Variants in SF1 observed in about 807,000 individuals in gnomAD.
SF1 encodes the protein splicing factor 1, also known as branch point-binding protein.
Under a neutral mutation model 62.5 loss-of-function variants are expected in SF1, and 7 were observed. That is an observed-to-expected ratio of 0.11 (90% CI 0.06 to 0.21). The LOEUF (loss-of-function observed/expected upper bound fraction) is 0.21, where lower values mean the gene tolerates loss of function less well. SF1 is among the 10% of genes least tolerant of loss of function. SF1 has a pLI of 1.00. For synonymous variants in SF1, 394 were observed against 323.6 expected (o/e 1.22, Z -2.33); for missense variants, 578 against 884.0 (o/e 0.65, Z 4.39).
In SF1 at chr11:64,766,955, T is replaced by G. The variant is rs1592449648; in HGVS notation, c.1527A>C (p.Pro509=). 7.6e-7 allele frequency: 1 copy of G among 1,308,094 alleles called. No individual in the cohort carries two copies. The highest frequency in any genetic ancestry group is 9.9e-7 in the Non-Finnish European group (1 of 1,010,856). The allele number at this position is 1,308,094 out of a possible 1,614,324, so 81.0% of individuals were successfully genotyped here. A position where few individuals can be genotyped will look rare whatever the true frequency, so the allele number is the denominator to read the frequency against. The change falls in exon 12 of 13, where the codon CCA becomes CCC. Residue 509 remains proline, a synonymous_variant. Transcript: ENST00000377390. The part of the protein sequence containing the change: ...PWQQQQQQPP[P]PPPPSSSMAS... ...CCATACTGCTGCTGGGCGGAGGGGG[T>G]GGCGGAGGCTGCTGCTGCTGTTGTT...
At position 64,767,002 on chromosome 11, in the gene SF1, AGGGAGGGGGTGGGGGCTGCCCACT is replaced by A. The variant is rs2058722459; in HGVS notation, c.1456_1479del (p.Gln488_Gly495del). ...TGTTGCCATGGGGGAAGAGGACCAG[AGGGAGGGGGTGGGGGCTGCCCACT>A]GGGAGGCGGCGGCGGCGGCGGCATC... is the stretch of plus-strand genomic sequence containing the variant. On this transcript the variant is annotated inframe_deletion, in exon 12 of 13. Coordinates refer to ENST00000377390, the MANE Select transcript of SF1 (RefSeq NM_004630.4). The A allele has an allele frequency of 6.7e-7, 1 of 1,492,482 alleles. No homozygotes were observed. 92.5% of individuals were successfully genotyped at this position (1,492,482 alleles called of 1,614,324 possible). A position where few individuals can be genotyped will look rare whatever the true frequency, so the allele number is the denominator to read the frequency against.
chr11:64,768,031 C>G (rs1279940763), intron 9 of SF1, 75 bp downstream of exon 9: 1 of 1,517,850 alleles, frequency 6.6e-7, no homozygotes, highest in Non-Finnish European at 8.9e-7. Flanking sequence ...CTACCCAAAC[C>G]ACGTGGCCAT....
At chr11:64,777,526 T>C (rs1939502474) in intron 1 of SF1, 2 of 985,342 alleles carry the variant, frequency 2.0e-6, no homozygotes, top group African/African-American at 1.7e-5. Context: ...CCTGCCTTGC[T>C]GTAGAAGCAG....
At chr11:64,777,776 T>TTCCCCCCCC in intron 1 of SF1, 7 of 960,690 alleles carry the variant, frequency 7.3e-6, no homozygotes, top group South Asian at 4.8e-5. Flanking sequence ...ACAGAGCGCC[T>TTCCCCCCCC]CCCGCCCGCC....
At chr11:64,777,714 C>G (rs1352725386) in intron 1 of SF1, 1 of 985,486 alleles carries the variant, frequency 1.0e-6, no homozygotes, top group Non-Finnish European at 1.2e-6. Flanking sequence ...ATAGTGGGCC[C>G]CCAGTCTATA....
chr11:64,776,625 G>C lies in SF1; in HGVS notation c.33C>G (p.Asp11Glu). ...TCCTCTTCCGCTTCTTACTTGGGAA[G>C]TCTAAAAGGCAGAGACAAAATCCAT... MATGANATPL[D>E]FPSKKRKRSR... The change falls in exon 2 of 13, where the codon GAC becomes GAG. Residue 11 changes from aspartate (D) to glutamate (E), a missense_variant and splice_region_variant. Asp to Glu is a conservative substitution (Grantham distance 45). This residue lies in a region of SF1 where 37 missense variants were observed against 34.6 expected (regional missense o/e 1.07). Coordinates refer to ENST00000377390, the MANE Select transcript of SF1 (RefSeq NM_004630.4). The C allele has an allele frequency of 6.2e-7, 1 of 1,603,394 alleles. No homozygotes were observed. Among genetic ancestry groups the C allele is most frequent in the Non-Finnish European group, 8.5e-7 (1 of 1,177,194 alleles).
intron 3 of SF1, among the ~76,000 whole-genome samples, chr11:64,771,214 A>AT (rs1260111510): frequency 6.6e-6 from 1 of 152,178 alleles, no homozygotes; most frequent in Non-Finnish European, 1.5e-5. Flanking sequence ...TCTCTCTCTC[A>AT]TTTTTTTAAG....
At chr11:64,773,225 C>T (rs1043279196) in intron 3 of SF1, 1 of 1,374,738 alleles carries the variant, frequency 7.3e-7, no homozygotes. Context: ...ACTTTTTATT[C>T]TCCCAACATT....
Position 64,765,679 on chromosome 11 carries a change from G to C in SF1, c.*139C>G. ...ATCCTCAGTCGCTTGGCCCAGCCCA[G>C]TGCGTGCACACACACACATGCGTGC... On this transcript the variant is annotated 3_prime_UTR_variant, in exon 13 of 13. Transcript: ENST00000377390. 1 of 1,471,488 alleles carries C rather than the reference G, an allele frequency of 6.8e-7. No homozygotes were observed. Among genetic ancestry groups the C allele is most frequent in the South Asian group, 1.4e-5 (1 of 70,516 alleles). The allele number at this position is 1,471,488 out of a possible 1,614,324, so 91.2% of individuals were successfully genotyped here.
chr11:64,767,406 G>T, intron 10 of SF1, 155 bp from the exon 11 acceptor site: 1 of 1,033,850 alleles, frequency 9.7e-7, no homozygotes, highest in Non-Finnish European at 1.5e-6. Context: ...ATCACTCCCT[G>T]AACCAGAATG....
At chr11:64,776,718 CA>C in intron 1 of SF1, 92 bp from the exon 2 acceptor site, 2 of 1,248,522 alleles carry the variant, frequency 1.6e-6, no homozygotes, top group East Asian at 5.0e-5. Flanking sequence ...AGAAACTCAG[CA>C]GACTGTGAAG....
At position 64,767,839 on chromosome 11, in the gene SF1, G is replaced by A. The variant is rs144029392; in HGVS notation, c.1074C>T (p.Leu358=). The change falls in exon 10 of 13, where the codon CTC becomes CTT. Residue 358 remains leucine (L), a synonymous_variant. Transcript: ENST00000377390. The stretch of plus-strand genomic sequence containing the variant: ...GTGGGCGGCTCTGGGTGGTAGACAT[G>A]AGAGACTACGTGAGAGCATTTCCTG... The part of the protein sequence containing the change: ...APANNPPPPS[L]MSTTQSRPPW... The A allele has an allele frequency of 4.3e-6, 7 of 1,610,506 alleles. No individual in the cohort carries two copies. The highest frequency in any genetic ancestry group is 5.1e-6 in the Non-Finnish European group (6 of 1,178,806).
intron 2 of SF1, among the ~76,000 whole-genome samples, chr11:64,775,526 G>C (rs530437494): frequency 6.6e-6 from 1 of 152,264 alleles, no homozygotes; most frequent in East Asian, 1.9e-4. Flanking sequence ...AAAATTCTCA[G>C]CAGTCTAAAA....
In SF1 at chr11:64,769,079, G is replaced by A; in HGVS notation, c.830C>T (p.Thr277Ile). 1 of 1,614,212 alleles carries A rather than the reference G, an allele frequency of 6.2e-7. No homozygotes were observed. The highest frequency in any genetic ancestry group is 8.5e-7 in the Non-Finnish European group (1 of 1,180,006). The change falls in exon 8 of 13, where the codon ACA becomes ATA. Residue 277 changes from threonine to isoleucine, a missense_variant. Transcript: ENST00000377390. The stretch of plus-strand genomic sequence containing the variant: ...AGCCCCTCCACACTTGGTACACACT[G>A]TGGTGTTGGTAATGCTGCGGGTCTC... ...SSETRSITNT[T>I]VCTKCGGAGH...
At chr11:64,777,073 G>C (rs983565473) in intron 1 of SF1, among the ~76,000 whole-genome samples, 1 of 152,212 alleles carries the variant, frequency 6.6e-6, no homozygotes, top group Admixed American at 6.5e-5. Flanking sequence ...TTGTACGAGA[G>C]GCCGGACCAC....
Position 64,769,002 on chromosome 11 carries a change from C to T in SF1, c.887+20G>A, listed in dbSNP as rs549702566. 5.6e-5 allele frequency: 88 copies of T among 1,568,216 alleles called. No homozygotes were observed. Among genetic ancestry groups the T allele is most frequent in the Middle Eastern group, 1.7e-4 (1 of 5,972 alleles). ...TGCACATCGCAGGCTACCAGGAAACCGCAAGAGCCAGCCCCTCACCTTTGG... is the reference window on the plus strand; with the variant it reads ...TGCACATCGCAGGCTACCAGGAAACTGCAAGAGCCAGCCCCTCACCTTTGG... On this transcript the variant is annotated intron_variant, in intron 8 of 12. Coordinates refer to ENST00000377390, the MANE Select transcript of SF1 (RefSeq NM_004630.4).
At chr11:64,766,850 G>GCCCCCCCGGCC in intron 12 of SF1, 50 bp downstream of exon 12, 1 of 744,976 alleles carries the variant, frequency 1.3e-6, no homozygotes, top group Non-Finnish European at 2.2e-6. Flanking sequence ...GTTCCTGTCA[G>GCCCCCCCGGCC]CCCCACCCCC....
At chr11:64,773,023 C>A in intron 3 of SF1, 1 of 1,011,062 alleles carries the variant, frequency 9.9e-7, no homozygotes, top group South Asian at 3.7e-5. Flanking sequence ...TGCTCAAGTT[C>A]AGTGATGCTC....
At chr11:64,766,212 C>CGGCTGCTGCCTTGGGATGGGGG (rs1565553406) in intron 12 of SF1, 57 bp from the exon 13 acceptor site, 1 of 1,316,804 alleles carries the variant, frequency 7.6e-7, no homozygotes, top group Admixed American at 2.0e-5. Context: ...CGGCTGTCTG[C>CGGCTGCTGCCTTGGGATGGGGG]GGCTGCTGCC....
Sources: allele counts gnomAD v4.1 joint callset (sites outside exome capture counted in the v4.1 genomes callset), GRCh38; gene constraint gnomAD v4.1.1; regional missense constraint gnomAD v4.1.1; transcripts MANE v1.5; gene names NCBI Gene and HGNC (gene_info 2026-07-23, HGNC 2026-07-21).